Variants in DLG2 observed in about 807,000 individuals in gnomAD.
DLG2 encodes the protein disks large homolog 2.
DLG2 carries 45 observed loss-of-function variants against 132.5 expected under a neutral mutation model. The ratio of observed to expected loss-of-function variants is 0.34; its 90% CI spans 0.27 to 0.44. The LOEUF (loss-of-function observed/expected upper bound fraction) is 0.44. DLG2 is among the 20% of genes least tolerant of loss of function. DLG2 has a pLI of 1.00. For synonymous variants in DLG2, 424 were observed against 419.6 expected (o/e 1.01, Z -0.13); for missense variants, 1,045 against 1,196.9 (o/e 0.87, Z 1.87).
At chr11:84,527,651 C>T (rs977177429) in intron 7 of DLG2, among the ~76,000 whole-genome samples, 1 of 152,168 alleles carries the variant, frequency 6.6e-6, no homozygotes, top group African/African-American at 2.4e-5. Flanking sequence ...AGGCTTTAAT[C>T]TTCCTTGTAA....
chr11:85,460,979 T>C (rs753472845), intron 3 of DLG2, among the ~76,000 whole-genome samples: 1 of 152,124 alleles, frequency 6.6e-6, no homozygotes, highest in Non-Finnish European at 1.5e-5. Flanking sequence ...GTGGTGCTCA[T>C]TTATTGGCCT....
At chr11:85,501,836 CA>C (rs1436409756) in intron 3 of DLG2, among the ~76,000 whole-genome samples, 1 of 152,062 alleles carries the variant, frequency 6.6e-6, no homozygotes, top group Non-Finnish European at 1.5e-5. Context: ...TAAATTAGTT[CA>C]ACCATTGTGG....
chr11:85,359,463 A>G (rs919777400), intron 3 of DLG2, among the ~76,000 whole-genome samples: 2 of 152,220 alleles, frequency 1.3e-5, no homozygotes, highest in Admixed American at 6.5e-5. Flanking sequence ...CCCTTTCAAT[A>G]TCAAGCTGGT....
intron 7 of DLG2, among the ~76,000 whole-genome samples, chr11:84,480,008 T>C (rs1203611600): frequency 6.6e-6 from 1 of 152,144 alleles, no homozygotes; most frequent in Non-Finnish European, 1.5e-5. Flanking sequence ...TTATTTCCCT[T>C]GTTTCTTAAA....
intron 6 of DLG2, among the ~76,000 whole-genome samples, chr11:84,673,075 G>T (rs187908159): frequency 1.6e-4 from 24 of 152,108 alleles, no homozygotes; most frequent in Admixed American, 1.2e-3. Context: ...TGACCCCCAT[G>T]ACCCACTCAC....
chr11:85,145,557 C>G (rs1566932062), intron 5 of DLG2, among the ~76,000 whole-genome samples: 1 of 151,862 alleles, frequency 6.6e-6, no homozygotes, highest in Non-Finnish European at 1.5e-5. Flanking sequence ...TTTTATACAG[C>G]CTGTCTTCAA....
chr11:84,328,064 CTT>C (rs1465830891), intron 7 of DLG2, among the ~76,000 whole-genome samples: 1 of 152,156 alleles, frequency 6.6e-6, no homozygotes, highest in African/African-American at 2.4e-5. Context: ...TCTACTGACT[CTT>C]TCCTGGTTGC....
At chr11:85,042,694 T>C (rs949834010) in intron 6 of DLG2, among the ~76,000 whole-genome samples, 1 of 151,898 alleles carries the variant, frequency 6.6e-6, no homozygotes, top group Non-Finnish European at 1.5e-5. Flanking sequence ...AGTTAGTGGA[T>C]TGCCCACACT....
chr11:84,154,087 T>G (rs1462067286), intron 9 of DLG2, among the ~76,000 whole-genome samples: 1 of 152,306 alleles, frequency 6.6e-6, no homozygotes, highest in South Asian at 2.1e-4. Flanking sequence ...AGCCTCTGCC[T>G]CCTGGGTTTA....
At chr11:83,734,706 C>T (rs2091648697) in intron 18 of DLG2, among the ~76,000 whole-genome samples, 1 of 152,100 alleles carries the variant, frequency 6.6e-6, no homozygotes, top group East Asian at 1.9e-4. Context: ...TTGCCTTGGA[C>T]TCCCAAAGTG....
At chr11:84,595,438 T>A (rs2099554281) in intron 6 of DLG2, among the ~76,000 whole-genome samples, 1 of 151,788 alleles carries the variant, frequency 6.6e-6, no homozygotes, top group East Asian at 1.9e-4. Flanking sequence ...AATGAAAGAC[T>A]TAGTCATTGT....
chr11:84,021,708 C>T (rs2095399528), intron 11 of DLG2, among the ~76,000 whole-genome samples: 1 of 151,852 alleles, frequency 6.6e-6, no homozygotes, highest in Non-Finnish European at 1.5e-5. Context: ...ATTTTTTAAA[C>T]CTGAGTATAT....
rs79249524 is a variant in DLG2, at chr11:85,050,102, C to G, written c.357+61559G>C. 4.7e-3 allele frequency among the ~76,000 whole-genome samples: 627 copies of G among 133,710 alleles called. 6 individuals are homozygous for G. The highest frequency in any genetic ancestry group is 0.016 in the African/African-American group (588 of 35,818). 87.7% of individuals were successfully genotyped at this position (133,710 alleles called of 152,430 possible). A position where few individuals can be genotyped will look rare whatever the true frequency, so the allele number is the denominator to read the frequency against. ...AACTCCAACCTTCCCAGGAAGAGAA[C>G]TGACCCACTGTGTCATCACACACAC... On this transcript the variant is annotated intron_variant, in intron 6 of 27. Coordinates refer to ENST00000376104, the MANE Select transcript of DLG2 (RefSeq NM_001142699.3).
chr11:83,784,940 A>T (rs2094983233), intron 18 of DLG2, among the ~76,000 whole-genome samples: 1 of 152,256 alleles, frequency 6.6e-6, no homozygotes, highest in Admixed American at 6.5e-5. Flanking sequence ...AGACTGAAAA[A>T]AACAGCTATT....
chr11:85,347,628 C>A (rs1369635749), intron 3 of DLG2, among the ~76,000 whole-genome samples: 1 of 151,972 alleles, frequency 6.6e-6, no homozygotes, highest in Non-Finnish European at 1.5e-5. Flanking sequence ...TCACCATGAA[C>A]TCCCCCATGA....
chr11:85,409,811 G>A (rs1214546767), intron 3 of DLG2, among the ~76,000 whole-genome samples: 1 of 151,784 alleles, frequency 6.6e-6, no homozygotes, highest in Admixed American at 6.6e-5. Flanking sequence ...GGGAAGAGAA[G>A]TACTTAAAAC....
chr11:83,559,824 G>C (rs1410075169), intron 19 of DLG2, among the ~76,000 whole-genome samples: 1 of 152,104 alleles, frequency 6.6e-6, no homozygotes, highest in Non-Finnish European at 1.5e-5. Context: ...CAGCCAAATT[G>C]GATGCTAAAG....
intron 6 of DLG2, among the ~76,000 whole-genome samples, chr11:84,686,411 ACC>A (rs1337030068): frequency 6.6e-6 from 1 of 152,136 alleles, no homozygotes; most frequent in Non-Finnish European, 1.5e-5. Flanking sequence ...ATAACAAATT[ACC>A]CAGAATCCAA....
intron 3 of DLG2, among the ~76,000 whole-genome samples, chr11:85,565,953 T>A (rs1750688573): frequency 6.6e-6 from 1 of 152,160 alleles, no homozygotes; most frequent in Admixed American, 6.6e-5. Context: ...GCAGCTACAT[T>A]TTACATTCCC....
Sources: gnomAD v4.1 joint callset for allele counts (sites outside exome capture counted in the v4.1 genomes callset) on GRCh38, gnomAD v4.1.1 for gene constraint, MANE v1.5 for transcripts, NCBI Gene and HGNC (gene_info 2026-07-23, HGNC 2026-07-21) for gene names.